PTGFRN: variants seen among roughly 807,000 people sequenced by gnomAD.
PTGFRN encodes the protein prostaglandin F2 receptor inhibitor.
A neutral mutation model predicts 83.2 loss-of-function variants in PTGFRN; 35 were observed. The ratio of observed to expected loss-of-function variants is 0.42; its 90% CI spans 0.32 to 0.56. PTGFRN has a LOEUF of 0.56. Among genes scored for constraint, PTGFRN ranks in the 20% least tolerant of loss-of-function variants. The probability of loss-of-function intolerance (pLI) is 0.11; values close to 1 mark genes in which losing one functional copy is unlikely to be tolerated. For missense variants in PTGFRN, 1,051 were observed against 1,179.5 expected (o/e 0.89, Z 1.60); for synonymous variants, 519 against 498.6 (o/e 1.04, Z -0.55).
intron 7 of PTGFRN, among the ~76,000 whole-genome samples, chr1:116,978,421 AAAG>A (rs1487299229): frequency 2.0e-5 from 3 of 152,218 alleles, no homozygotes; most frequent in African/African-American, 4.8e-5. Flanking sequence ...CACAACAAAA[AAAG>A]AGAATTTTAG....
intron 1 of PTGFRN, among the ~76,000 whole-genome samples, chr1:116,929,573 G>C (rs1475537146): frequency 6.6e-6 from 1 of 152,052 alleles, no homozygotes; most frequent in African/African-American, 2.4e-5. Context: ...TTGCTGTTCT[G>C]TGTCTGGAGC....
At chr1:116,951,675 T>C (rs1244932706) in intron 4 of PTGFRN, among the ~76,000 whole-genome samples, 1 of 151,708 alleles carries the variant, frequency 6.6e-6, no homozygotes, top group Non-Finnish European at 1.5e-5. Flanking sequence ...TTTTTTTTCT[T>C]CCTCTTAAGA....
intron 1 of PTGFRN, among the ~76,000 whole-genome samples, chr1:116,921,228 G>A (rs192626581): frequency 1.2e-3 from 178 of 152,268 alleles, no homozygotes; most frequent in African/African-American, 3.8e-3. Context: ...CAGTGGTTTT[G>A]GATGCAGATA....
chr1:116,963,831 G>T (rs904165371), intron 5 of PTGFRN, among the ~76,000 whole-genome samples: 1 of 151,766 alleles, frequency 6.6e-6, no homozygotes, highest in African/African-American at 2.4e-5. Flanking sequence ...ACATGCAGTG[G>T]CATGATAATG....
At chr1:116,957,067 T>C (rs1184824329) in intron 4 of PTGFRN, among the ~76,000 whole-genome samples, 3 of 151,664 alleles carry the variant, frequency 2.0e-5, no homozygotes, top group Non-Finnish European at 2.9e-5. Flanking sequence ...TTGAAAAGTT[T>C]GGAGGTGGGG....
In PTGFRN at chr1:116,918,041, A is replaced by C. The variant is rs1361839195; in HGVS notation, c.49+7789A>C. Among the ~76,000 whole-genome samples the C allele has an allele frequency of 2.0e-5, 3 of 152,212 alleles. No homozygotes were observed. The highest frequency in any genetic ancestry group is 1.5e-5 in the Non-Finnish European group (1 of 68,040). On this transcript the variant is annotated intron_variant, in intron 1 of 8. Coordinates refer to ENST00000393203, the MANE Select transcript of PTGFRN (RefSeq NM_020440.4). This position sits in a 1 kb window ranked among gnomAD's most constrained non-coding sequence, Gnocchi z 4.1. ...TTTAGGTCTTTGGCTGTTAGGCAGA[A>C]TCTCTAGCACAGGGACTCTTGCATT...
chr1:116,912,938 A>T (rs1649308405), intron 1 of PTGFRN, among the ~76,000 whole-genome samples: 1 of 152,190 alleles, frequency 6.6e-6, no homozygotes, highest in Non-Finnish European at 1.5e-5. Flanking sequence ...TACCATGATC[A>T]CACCAGAACC....
chr1:116,923,315 A>G lies in PTGFRN; in HGVS notation c.49+13063A>G, dbSNP rs76593317. Among the ~76,000 whole-genome samples, 134 of 152,292 alleles carry G rather than the reference A, an allele frequency of 8.8e-4. 1 individual carries two copies. The East Asian group carries it at 0.018, about 21-fold the overall frequency. ...AAGATATCTATGTGTCCTTTTTACT[A>G]TCTTTCTTATGTGTGCTTATTTATC... is the stretch of plus-strand genomic sequence containing the variant. On this transcript the variant is annotated intron_variant, in intron 1 of 8. Coordinates refer to ENST00000393203, the MANE Select transcript of PTGFRN (RefSeq NM_020440.4). This position sits in a 1 kb window ranked among gnomAD's most constrained non-coding sequence, Gnocchi z 4.0.
intron 3 of PTGFRN, 47 bp downstream of exon 3, chr1:116,945,139 T>C (rs1242237738): frequency 2.6e-6 from 4 of 1,550,168 alleles, no homozygotes; most frequent in East Asian, 4.5e-5. Flanking sequence ...TTGTGACTAA[T>C]GATAGTGATA....
At chr1:116,983,658 T>G (rs1414149841) in intron 7 of PTGFRN, among the ~76,000 whole-genome samples, 1 of 152,250 alleles carries the variant, frequency 6.6e-6, no homozygotes, top group East Asian at 1.9e-4. Flanking sequence ...TTTTTTAATA[T>G]GTAAGCATCT....
chr1:116,953,674 C>G (rs1220561618), intron 4 of PTGFRN, among the ~76,000 whole-genome samples: 1 of 151,582 alleles, frequency 6.6e-6, no homozygotes, highest in Non-Finnish European at 1.5e-5. Flanking sequence ...TGGAGGAGCC[C>G]AGCATAGAGG....
At chr1:116,949,139 G>C in intron 3 of PTGFRN, 53 bp from the exon 4 acceptor site, 1 of 1,519,322 alleles carries the variant, frequency 6.6e-7, no homozygotes, top group Non-Finnish European at 8.8e-7. Context: ...GTGGAGAATA[G>C]AAGGGGCAAA....
chr1:116,927,739 T>C (rs1649691760), intron 1 of PTGFRN, among the ~76,000 whole-genome samples: 1 of 152,086 alleles, frequency 6.6e-6, no homozygotes, highest in East Asian at 1.9e-4. Flanking sequence ...AGATCTATGT[T>C]GCCCAGGCTG....
chr1:116,925,924 C>T (rs1272993268), intron 1 of PTGFRN, among the ~76,000 whole-genome samples: 1 of 152,184 alleles, frequency 6.6e-6, no homozygotes, highest in Non-Finnish European at 1.5e-5. Flanking sequence ...CATGTGAACC[C>T]AGAGTCTTTT....
intron 1 of PTGFRN, among the ~76,000 whole-genome samples, chr1:116,916,663 C>T (rs920855440): frequency 2.6e-5 from 4 of 152,258 alleles, no homozygotes; most frequent in South Asian, 2.1e-4. Context: ...TATGATTTGA[C>T]GAAGGATGGC....
At chr1:116,933,387 A>G (rs908774632) in intron 1 of PTGFRN, among the ~76,000 whole-genome samples, 1 of 152,128 alleles carries the variant, frequency 6.6e-6, no homozygotes. Context: ...TTAAGCTCCA[A>G]TGTATTCCAC....
Position 116,944,677 on chromosome 1 carries a change from AGTG to A in PTGFRN, c.419-1_420del. On this transcript the variant is annotated splice_acceptor_variant and coding_sequence_variant, in exon 3 of 9. Coordinates refer to ENST00000393203, the MANE Select transcript of PTGFRN (RefSeq NM_020440.4). LOFTEE classifies it high-confidence loss of function. The stretch of plus-strand genomic sequence containing the variant: ...TACTGACCTAGCTTTCTCTCTCCGC[AGTG>A]CTGGCCGACTCCCTGCACGTGGGCC... 1 of 1,416,330 alleles carries A rather than the reference AGTG, an allele frequency of 7.1e-7. No individual in the cohort carries two copies. The highest frequency in any genetic ancestry group is 9.2e-7 in the Non-Finnish European group (1 of 1,086,488). 87.7% of individuals were successfully genotyped at this position (1,416,330 alleles called of 1,614,324 possible).
chr1:116,949,706 G>T, intron 4 of PTGFRN, 134 bp downstream of exon 4: 2 of 1,281,178 alleles, frequency 1.6e-6, no homozygotes, highest in Non-Finnish European at 2.1e-6. Flanking sequence ...GCATACTTTG[G>T]CCCAGATAGA....
intron 4 of PTGFRN, among the ~76,000 whole-genome samples, chr1:116,960,733 A>C (rs1463943458): frequency 6.6e-6 from 1 of 152,192 alleles, no homozygotes; most frequent in African/African-American, 2.4e-5. Flanking sequence ...CCTTGCATTT[A>C]GGGCATGGCC....
Sources: allele counts gnomAD v4.1 joint callset (sites outside exome capture counted in the v4.1 genomes callset), GRCh38; gene constraint gnomAD v4.1.1; non-coding constraint Gnocchi (gnomAD v3.1); transcripts MANE v1.5; gene names NCBI Gene and HGNC (gene_info 2026-07-23, HGNC 2026-07-21).